CNGA3: variants seen among roughly 807,000 people sequenced by gnomAD.
CNGA3 encodes cyclic nucleotide-gated channel alpha-3.
In CNGA3, 42 loss-of-function variants were observed where a neutral mutation model predicts 46.6. That is an observed-to-expected ratio of 0.90 (90% confidence interval 0.70 to 1.17). The LOEUF (loss-of-function observed/expected upper bound fraction) is 1.17, where lower values mean the gene tolerates loss of function less well. CNGA3 is among the 50% of genes most tolerant of loss of function. The probability of loss-of-function intolerance (pLI) is 0.00; values close to 1 mark genes in which losing one functional copy is unlikely to be tolerated. For synonymous variants in CNGA3, 394 were observed against 369.4 expected (o/e 1.07, Z -0.76); for missense variants, 893 against 890.7 (o/e 1.00, Z -0.03).
chr2:98,364,233 C>A (rs1692097212), intron 1 of CNGA3, among the ~76,000 whole-genome samples: 2 of 152,116 alleles, frequency 1.3e-5, no homozygotes, highest in South Asian at 4.2e-4. Context: ...CAAAAATTAG[C>A]CAGGCATGGT....
At chr2:98,384,684 AG>A (rs919512081) in intron 5 of CNGA3, among the ~76,000 whole-genome samples, 45 of 152,352 alleles carry the variant, frequency 3.0e-4, no homozygotes, top group African/African-American at 1.1e-3. Context: ...TTGCAGCTGC[AG>A]TATCAAGTCT....
chr2:98,368,719 C>A (rs1692218755), intron 1 of CNGA3, among the ~76,000 whole-genome samples: 1 of 152,206 alleles, frequency 6.6e-6, no homozygotes, highest in Non-Finnish European at 1.5e-5. Flanking sequence ...TTACTCAAAT[C>A]ACTCTTCCCA....
chr2:98,381,201 T>A (rs1692529274), intron 4 of CNGA3, among the ~76,000 whole-genome samples: 1 of 152,062 alleles, frequency 6.6e-6, no homozygotes, highest in Non-Finnish European at 1.5e-5. Flanking sequence ...CTTAGGTCTG[T>A]CTGGAAGGGA....
rs754255820 is a variant in CNGA3 at position 98,397,304 on chromosome 2, C to T, written c.*49C>T. 8.9e-6 allele frequency: 14 copies of T among 1,570,500 alleles called. No individual in the cohort carries two copies. Among genetic ancestry groups the T allele is most frequent in the Admixed American group, 5.1e-5 (3 of 58,398 alleles). On this transcript the variant is annotated 3_prime_UTR_variant, in exon 8 of 8. Coordinates refer to ENST00000272602, the MANE Select transcript of CNGA3 (RefSeq NM_001298.3). Reference sequence around the variant, plus strand: ...TCACAGGGTCGACTGTCAGGGTGACCGTATGTGGCCGCAGCTGTGTGGCAT... The same window carrying T: ...TCACAGGGTCGACTGTCAGGGTGACTGTATGTGGCCGCAGCTGTGTGGCAT...
Position 98,370,095 on chromosome 2 carries a change from G to T in CNGA3, c.101+19G>T. 1 of 1,575,546 alleles carries T rather than the reference G, an allele frequency of 6.3e-7. No individual in the cohort carries two copies. Among genetic ancestry groups the T allele is most frequent in the Non-Finnish European group, 8.7e-7 (1 of 1,146,320 alleles). ...TCAGCAGGTAAGATGGGCTAAGATG[G>T]GCTTTTCATTTTATGCCTGGCTCTG... On this transcript the variant is annotated intron_variant, in intron 2 of 7. Transcript: ENST00000272602.
chr2:98,367,880 C>G (rs1451743956), intron 1 of CNGA3, among the ~76,000 whole-genome samples: 1 of 152,220 alleles, frequency 6.6e-6, no homozygotes, highest in Non-Finnish European at 1.5e-5. Context: ...CCTCCCTGGT[C>G]TAGCCAGAGT....
Position 98,395,693 on chromosome 2 carries a change from G to A in CNGA3, c.674-151G>A, listed in dbSNP as rs189110032. 6.3e-5 allele frequency: 43 copies of A among 678,518 alleles called. No individual in the cohort carries two copies. The East Asian group carries it at 1.1e-3, about 18-fold the overall frequency. 42.0% of individuals were successfully genotyped at this position (678,518 alleles called of 1,614,324 possible). A position where few individuals can be genotyped will look rare whatever the true frequency, so the allele number is the denominator to read the frequency against. On this transcript the variant is annotated intron_variant, in intron 7 of 7. Transcript: ENST00000272602. ...TAGAAAATATCAGAGTGCATTTCCT[G>A]TAGTAATGGTAAGTGTTGTTTTTGA...
Position 98,396,197 on chromosome 2 carries a change from C to T in CNGA3, c.1027C>T (p.Pro343Ser), listed in dbSNP as rs560262335. Reference protein sequence around the residue: ...DSWVYPNISIPEHGRLSRKYI... With the variant: ...DSWVYPNISISEHGRLSRKYI... ...CTGGGTCTACCCAAACATCTCAATC[C>T]CAGAGCATGGGCGCCTCTCCAGGAA... Residue 343 changes from proline (P) to serine (S), a missense_variant, in exon 8 of 8, where the codon CCA becomes TCA. Pro to Ser is a moderately conservative substitution (Grantham distance 74). Around this residue, in one of 3 missense-constraint regions of CNGA3, gnomAD observed 548 missense variants for 570.8 expected, o/e 0.96. Transcript: ENST00000272602. 5.0e-6 allele frequency: 8 copies of T among 1,614,150 alleles called. No homozygotes were observed. In the Admixed American group the frequency reaches 1.2e-4, roughly 24 times the overall value.
chr2:98,346,777 C>CTCCAG (rs1252310447), intron 1 of CNGA3, among the ~76,000 whole-genome samples: 2 of 152,020 alleles, frequency 1.3e-5, no homozygotes, highest in African/African-American at 2.4e-5. Context: ...TCCCATACCC[C>CTCCAG]TCCAGTCCAG....
chr2:98,389,648 G>C lies in CNGA3; in HGVS notation c.450-10G>C. ...CACAGTGCGCTGTTTGTGTATGTGT[G>C]GGTTTCCAGGAAGAAGACGAAAAAG... On this transcript the variant is annotated splice_polypyrimidine_tract_variant and intron_variant, in intron 5 of 7. Coordinates refer to ENST00000272602, the MANE Select transcript of CNGA3 (RefSeq NM_001298.3). 1 of 1,612,020 alleles carries C rather than the reference G, an allele frequency of 6.2e-7. No individual in the cohort carries two copies. The highest frequency in any genetic ancestry group is 8.5e-7 in the Non-Finnish European group (1 of 1,178,192).
At chr2:98,381,789 C>G (rs1400960861) in intron 4 of CNGA3, among the ~76,000 whole-genome samples, 1 of 152,086 alleles carries the variant, frequency 6.6e-6, no homozygotes, top group Non-Finnish European at 1.5e-5. Flanking sequence ...AGGGAGGTCC[C>G]AGGTTCCCAG....
chr2:98,390,369 G>A (rs975100717), intron 6 of CNGA3, among the ~76,000 whole-genome samples: 15 of 151,680 alleles, frequency 9.9e-5, no homozygotes, highest in Non-Finnish European at 2.1e-4. Flanking sequence ...GGCTGGTCTT[G>A]AACTCCTCAC....
chr2:98,369,952 G>T lies in CNGA3; in HGVS notation c.-24G>T. 1 of 1,585,884 alleles carries T rather than the reference G, an allele frequency of 6.3e-7. No individual in the cohort carries two copies. The highest frequency in any genetic ancestry group is 8.7e-7 in the Non-Finnish European group (1 of 1,155,488). ...TTCACATTTTAGCAATCATCTGGGGGGCTAAATGTGACAAACCGAGAAGAT... is the reference window on the plus strand; with the variant it reads ...TTCACATTTTAGCAATCATCTGGGGTGCTAAATGTGACAAACCGAGAAGAT... On this transcript the variant is annotated 5_prime_UTR_variant, in exon 2 of 8. Coordinates refer to ENST00000272602, the MANE Select transcript of CNGA3 (RefSeq NM_001298.3).
At chr2:98,352,046 C>G (rs1053036710) in intron 1 of CNGA3, among the ~76,000 whole-genome samples, 1 of 152,200 alleles carries the variant, frequency 6.6e-6, no homozygotes, top group Admixed American at 6.5e-5. Flanking sequence ...CAGGCAACCT[C>G]TACTCTACTT....
intron 4 of CNGA3, among the ~76,000 whole-genome samples, chr2:98,381,240 A>G (rs534026253): frequency 3.9e-5 from 6 of 151,922 alleles, no homozygotes; most frequent in South Asian, 4.2e-4. Flanking sequence ...GGGGAAGCTG[A>G]CCTCCCCTCG....
At chr2:98,366,971 C>T (rs1214042897) in intron 1 of CNGA3, among the ~76,000 whole-genome samples, 1 of 151,976 alleles carries the variant, frequency 6.6e-6, no homozygotes, top group African/African-American at 2.4e-5. Flanking sequence ...AATCACTCAC[C>T]GCCTCTTTTG....
intron 1 of CNGA3, chr2:98,346,918 C>G (rs1691640069): frequency 6.5e-6 from 1 of 153,244 alleles, no homozygotes; most frequent in Admixed American, 6.5e-5. Context: ...GGGCTGGCTC[C>G]CGCTGGGGAC....
At chr2:98,359,101 T>C (rs893238557) in intron 1 of CNGA3, among the ~76,000 whole-genome samples, 9 of 152,264 alleles carry the variant, frequency 5.9e-5, no homozygotes, top group Non-Finnish European at 1.2e-4. Context: ...CCAACCCAGA[T>C]GTCCATTATC....
chr2:98,379,692 C>A (rs1031971255), intron 3 of CNGA3, among the ~76,000 whole-genome samples: 1 of 152,196 alleles, frequency 6.6e-6, no homozygotes, highest in African/African-American at 2.4e-5. Context: ...GACGCCTGTT[C>A]CTTTAAGCCT....
Sources: allele counts gnomAD v4.1 joint callset (sites outside exome capture counted in the v4.1 genomes callset), GRCh38; gene constraint gnomAD v4.1.1; regional missense constraint gnomAD v4.1.1; transcripts MANE v1.5; gene names NCBI Gene and HGNC (gene_info 2026-07-23, HGNC 2026-07-21).